Variants in PKNOX2 observed in about 807,000 individuals in gnomAD.
The protein encoded by PKNOX2 is homeobox protein PKNOX2.
PKNOX2 carries 14 observed loss-of-function variants against 53.1 expected under a neutral mutation model. That is an observed-to-expected ratio of 0.26 (90% CI 0.17 to 0.41). The LOEUF is 0.41. Ranked by LOEUF, PKNOX2 falls within the 10% of genes least tolerant of loss-of-function variation. PKNOX2 has a pLI of 1.00. For missense variants in PKNOX2, 496 were observed against 602.8 expected, an observed-to-expected ratio of 0.82 and a Z score of 1.85; for synonymous variants, 257 against 242.8, an observed-to-expected ratio of 1.06 and a Z score of -0.54.
At chr11:125,286,223 G>A (rs1946889683) in intron 2 of PKNOX2, among the ~76,000 whole-genome samples, 1 of 152,176 alleles carries the variant, frequency 6.6e-6, no homozygotes, top group Non-Finnish European at 1.5e-5. Context: ...CTCACAGGTA[G>A]CCTAAAAACA....
chr11:125,165,269 G>A lies in PKNOX2; in HGVS notation c.-201+493G>A, dbSNP rs1488725267. 6.6e-6 allele frequency among the ~76,000 whole-genome samples: 1 copy of A among 152,058 alleles called. No homozygotes were observed. The highest frequency in any genetic ancestry group is 1.9e-4 in the East Asian group (1 of 5,168). On this transcript the variant is annotated intron_variant, in intron 1 of 12. Transcript: ENST00000298282. The surrounding 1 kb of genome is among the most constrained non-coding windows in gnomAD (Gnocchi z 4.5). ...CGCGGGCCCAACCCCGTAGCGGGCG[G>A]GCGGGGAGCTGTGCGCCAGGAGCGC...
At chr11:125,309,784 C>A (rs964981881) in intron 2 of PKNOX2, among the ~76,000 whole-genome samples, 5 of 152,192 alleles carry the variant, frequency 3.3e-5, no homozygotes, top group Admixed American at 3.3e-4. Context: ...AATCTTAATT[C>A]TCTCTGTAAA....
intron 2 of PKNOX2, among the ~76,000 whole-genome samples, chr11:125,260,048 G>A (rs1402399250): frequency 6.6e-6 from 1 of 150,566 alleles, no homozygotes; most frequent in African/African-American, 2.4e-5. Context: ...TTTTTTGCTT[G>A]TTTGTTTTTT....
At chr11:125,412,657 G>T (rs543555016) in intron 10 of PKNOX2, among the ~76,000 whole-genome samples, 1 of 152,248 alleles carries the variant, frequency 6.6e-6, no homozygotes, top group East Asian at 1.9e-4. Flanking sequence ...TGTGTTCTGG[G>T]GTGGGGAGGT....
At chr11:125,187,921 C>G (rs1472092338) in intron 1 of PKNOX2, among the ~76,000 whole-genome samples, 1 of 152,228 alleles carries the variant, frequency 6.6e-6, no homozygotes, top group Non-Finnish European at 1.5e-5. Context: ...TGGAGTCTTG[C>G]TCAGAGCAAA....
At chr11:125,326,542 A>C (rs1220247422) in intron 2 of PKNOX2, among the ~76,000 whole-genome samples, 1 of 152,244 alleles carries the variant, frequency 6.6e-6, no homozygotes, top group Non-Finnish European at 1.5e-5. Context: ...TTTTGAGCAG[A>C]GGAGAAACAC....
At chr11:125,349,662 CACCACACTCCCCA>C (rs1951192134) in intron 3 of PKNOX2, among the ~76,000 whole-genome samples, 1 of 152,010 alleles carries the variant, frequency 6.6e-6, no homozygotes, top group Non-Finnish European at 1.5e-5. Flanking sequence ...TCATCTGTCC[CACCACACTCCCCA>C]CACTGTTCTC....
intron 2 of PKNOX2, among the ~76,000 whole-genome samples, chr11:125,291,113 G>C (rs565748188): frequency 5.2e-4 from 79 of 152,326 alleles, no homozygotes; most frequent in Non-Finnish European, 9.8e-4. Context: ...GCTCTGGCAG[G>C]CTGGTCCTGC....
intron 1 of PKNOX2, among the ~76,000 whole-genome samples, chr11:125,186,371 G>C (rs772802673): frequency 2.0e-5 from 3 of 152,202 alleles, no homozygotes; most frequent in Non-Finnish European, 4.4e-5. Context: ...TGTCCTTTGG[G>C]ACAGGCACAG....
chr11:125,283,622 T>C (rs1946717593), intron 2 of PKNOX2, among the ~76,000 whole-genome samples: 1 of 152,076 alleles, frequency 6.6e-6, no homozygotes, highest in South Asian at 2.1e-4. Context: ...AAAGTAAAGA[T>C]GTTTGGAAGG....
chr11:125,337,981 T>G (rs1280678037), intron 3 of PKNOX2, among the ~76,000 whole-genome samples: 2 of 152,232 alleles, frequency 1.3e-5, no homozygotes, highest in Non-Finnish European at 2.9e-5. Context: ...GAGTTCCCAC[T>G]GCTTCCAGAA....
intron 3 of PKNOX2, among the ~76,000 whole-genome samples, chr11:125,347,596 C>A (rs1382678324): frequency 6.6e-6 from 1 of 152,030 alleles, no homozygotes; most frequent in Non-Finnish European, 1.5e-5. Context: ...CCCAGGACTG[C>A]CCATCCCATT....
intron 1 of PKNOX2, among the ~76,000 whole-genome samples, chr11:125,179,322 A>G (rs991040222): frequency 2.6e-5 from 4 of 152,128 alleles, no homozygotes; most frequent in Non-Finnish European, 5.9e-5. Context: ...AATATGAATG[A>G]CATACGAGCT....
At chr11:125,204,303 C>T (rs1465318593) in intron 1 of PKNOX2, among the ~76,000 whole-genome samples, 1 of 152,100 alleles carries the variant, frequency 6.6e-6, no homozygotes, top group Non-Finnish European at 1.5e-5. Flanking sequence ...TGTTAAGGTA[C>T]AATACAAAGG....
At chr11:125,281,212 A>G (rs1176135729) in intron 2 of PKNOX2, among the ~76,000 whole-genome samples, 1 of 152,196 alleles carries the variant, frequency 6.6e-6, no homozygotes, top group Non-Finnish European at 1.5e-5. Context: ...GAGCCACCTC[A>G]GGAGGAAAGA....
At chr11:125,300,727 C>T (rs1021018328) in intron 2 of PKNOX2, among the ~76,000 whole-genome samples, 10 of 152,086 alleles carry the variant, frequency 6.6e-5, no homozygotes, top group South Asian at 2.1e-4. Context: ...TCTGAAACTA[C>T]GTACTGTTTA....
rs771185533 is a variant in PKNOX2 at position 125,385,608 on chromosome 11, G to A, written c.285G>A (p.Gln95=). 1 of 1,613,598 alleles carries A rather than the reference G, an allele frequency of 6.2e-7. No homozygotes were observed. The highest frequency in any genetic ancestry group is 1.1e-5 in the South Asian group (1 of 90,894). The change falls in exon 6 of 13, where the codon CAG becomes CAA. Residue 95 remains glutamine (Q), a synonymous_variant. Coordinates refer to ENST00000298282, the MANE Select transcript of PKNOX2 (RefSeq NM_001382323.2). The part of the protein sequence containing the change: ...LLFEKCEQAT[Q]GSECITSASF... ...TTGAGAAATGTGAACAGGCCACCCA[G>A]GGCTCTGAGTGCATCACCTCCGCCA...
intron 2 of PKNOX2, among the ~76,000 whole-genome samples, chr11:125,262,504 G>C (rs968231854): frequency 2.0e-5 from 3 of 152,016 alleles, no homozygotes; most frequent in African/African-American, 7.3e-5. Flanking sequence ...TTTGCGCTAG[G>C]TCACTCAGGG....
At chr11:125,398,866 T>C (rs2135462941) in intron 7 of PKNOX2, among the ~76,000 whole-genome samples, 1 of 152,160 alleles carries the variant, frequency 6.6e-6, no homozygotes, top group Middle Eastern at 3.4e-3. Context: ...ACCTGGAGGG[T>C]CCCCAAGGAG....
Sources: gnomAD v4.1 joint callset for allele counts (sites outside exome capture counted in the v4.1 genomes callset) on GRCh38, gnomAD v4.1.1 for gene constraint, Gnocchi (gnomAD v3.1) non-coding constraint, MANE v1.5 for transcripts, NCBI Gene and HGNC (gene_info 2026-07-23, HGNC 2026-07-21) for gene names.